CHRM1: variants seen among roughly 807,000 people sequenced by gnomAD.
CHRM1 encodes muscarinic acetylcholine receptor M1.
In CHRM1, 5 loss-of-function variants were observed where a neutral mutation model predicts 31.6. The ratio of observed to expected loss-of-function variants is 0.16; its 90% CI spans 0.08 to 0.33. The LOEUF (loss-of-function observed/expected upper bound fraction) is 0.33, where lower values mean the gene tolerates loss of function less well. Ranked by LOEUF, CHRM1 falls within the 10% of genes least tolerant of loss-of-function variation. The pLI, the probability that CHRM1 is intolerant of heterozygous loss-of-function variation, is 1.00. For missense variants in CHRM1, 338 were observed against 610.3 expected, an observed-to-expected ratio of 0.55 and a Z score of 4.70; for synonymous variants, 227 against 249.7, an observed-to-expected ratio of 0.91 and a Z score of 0.86.
At position 62,909,877 on chromosome 11, in the gene CHRM1, G is replaced by A. The variant is rs781002435; in HGVS notation, c.1224C>T (p.Tyr408=). The change falls in exon 2 of 2, where the codon TAC becomes TAT. Residue 408 remains tyrosine, a synonymous_variant. Coordinates refer to ENST00000306960, the MANE Select transcript of CHRM1 (RefSeq NM_000738.3). ...TLWELGYWLC[Y]VNSTINPMCY... ...ACATGGGGTTGATGGTGCTGTTGAC[G>A]TAGCACAGCCAGTAGCCCAGCTCCC... 42 of 1,614,112 alleles carry A rather than the reference G, an allele frequency of 2.6e-5. 1 individual carries two copies. The South Asian group carries it at 4.1e-4, about 16-fold the overall frequency.
intron 1 of CHRM1, among the ~76,000 whole-genome samples, chr11:62,914,226 G>A (rs2085888582): frequency 6.6e-6 from 1 of 152,056 alleles, no homozygotes; most frequent in Non-Finnish European, 1.5e-5. Flanking sequence ...TTACAGGCGT[G>A]AGCCACCGCG....
At position 62,911,051 on chromosome 11, in the gene CHRM1, G is replaced by A; in HGVS notation, c.50C>T (p.Ala17Val). 1.2e-6 allele frequency: 2 copies of A among 1,614,160 alleles called. No homozygotes were observed. Among genetic ancestry groups the A allele is most frequent in the Non-Finnish European group, 1.7e-6 (2 of 1,180,020 alleles). The change falls in exon 2 of 2, where the codon GCA becomes GTA. Residue 17 changes from alanine to valine, a missense_variant. Around this residue, in one of 4 missense-constraint regions of CHRM1, gnomAD observed 85 missense variants for 257.7 expected, o/e 0.33. Coordinates refer to ENST00000306960, the MANE Select transcript of CHRM1 (RefSeq NM_000738.3). Reference protein sequence around the residue: ...PAVSPNITVLAPGKGPWQVAF... With the variant: ...PAVSPNITVLVPGKGPWQVAF... ...CACTTGCCAGGGACCCTTTCCTGGT[G>A]CCAGGACGGTGATGTTGGGGCTGAC...
At chr11:62,917,444 C>A (rs1243844136) in intron 1 of CHRM1, among the ~76,000 whole-genome samples, 1 of 152,136 alleles carries the variant, frequency 6.6e-6, no homozygotes, top group Non-Finnish European at 1.5e-5. Context: ...GCAGGAAGAC[C>A]CCCCGAGGCA....
intron 1 of CHRM1, among the ~76,000 whole-genome samples, chr11:62,919,292 A>G (rs1379063605): frequency 6.6e-6 from 1 of 152,222 alleles, no homozygotes; most frequent in East Asian, 1.9e-4. Flanking sequence ...TTAAGGCTCA[A>G]CAGTTGCCAT....
intron 1 of CHRM1, among the ~76,000 whole-genome samples, chr11:62,912,970 G>A (rs928173769): frequency 7.2e-5 from 11 of 152,200 alleles, no homozygotes; most frequent in Admixed American, 1.3e-4. Flanking sequence ...ATGGTTTGCC[G>A]TGAACCCTCA....
intron 1 of CHRM1, among the ~76,000 whole-genome samples, chr11:62,914,954 C>T (rs761448101): frequency 2.6e-5 from 4 of 152,180 alleles, no homozygotes; most frequent in African/African-American, 4.8e-5. Flanking sequence ...GCAGACGGAT[C>T]ACATGAGCTC....
intron 1 of CHRM1, among the ~76,000 whole-genome samples, chr11:62,919,406 C>A (rs1301005724): frequency 6.6e-6 from 1 of 152,174 alleles, no homozygotes; most frequent in Non-Finnish European, 1.5e-5. Context: ...GAATCACTGC[C>A]AAATTTGCTC....
Position 62,910,060 on chromosome 11 carries a change from C to T in CHRM1, c.1041G>A (p.Glu347=). ...AGKGQKPRGK[E]QLAKRKTFSL... is the part of the protein sequence containing the mutation. ...AGAAGGTCTTCCGCTTGGCCAGCTG[C>T]TCCTTTCCACGGGGCTTCTGGCCCT... Residue 347 remains glutamate (E), a synonymous_variant, in exon 2 of 2, where the codon GAG becomes GAA. Transcript: ENST00000306960. This position sits in a 1 kb window ranked among gnomAD's most constrained non-coding sequence, Gnocchi z 8.7. The T allele has an allele frequency of 6.2e-7, 1 of 1,613,410 alleles. No individual in the cohort carries two copies. The highest frequency in any genetic ancestry group is 8.5e-7 in the Non-Finnish European group (1 of 1,179,918).
At chr11:62,916,587 G>A (rs1165711827) in intron 1 of CHRM1, among the ~76,000 whole-genome samples, 3 of 152,226 alleles carry the variant, frequency 2.0e-5, no homozygotes, top group African/African-American at 4.8e-5. Flanking sequence ...CATTTTAATA[G>A]TCGTATTGCT....
At chr11:62,917,370 AGGCATCCATGGG>A (rs2085906017) in intron 1 of CHRM1, among the ~76,000 whole-genome samples, 1 of 152,202 alleles carries the variant, frequency 6.6e-6, no homozygotes, top group South Asian at 2.1e-4. Flanking sequence ...CGTCCTGTGA[AGGCATCCATGGG>A]GGCTGGGGCT....
intron 1 of CHRM1, among the ~76,000 whole-genome samples, chr11:62,912,560 C>T (rs963249639): frequency 3.3e-5 from 5 of 152,114 alleles, no homozygotes; most frequent in South Asian, 2.1e-4. Context: ...TGGGAAGATC[C>T]CCCAGACTTT....
At chr11:62,918,648 T>G (rs182728246) in intron 1 of CHRM1, among the ~76,000 whole-genome samples, 162 of 152,216 alleles carry the variant, frequency 1.1e-3, no homozygotes, top group African/African-American at 3.7e-3. Context: ...GCCAAAGCAT[T>G]TGTCACTGGG....
chr11:62,912,248 G>A (rs1197534887), intron 1 of CHRM1, among the ~76,000 whole-genome samples: 2 of 151,714 alleles, frequency 1.3e-5, no homozygotes, highest in Non-Finnish European at 1.5e-5. Context: ...CGCATCTGTA[G>A]CCCCAGCTAC....
chr11:62,916,706 A>G (rs1388292791), intron 1 of CHRM1, among the ~76,000 whole-genome samples: 1 of 152,208 alleles, frequency 6.6e-6, no homozygotes, highest in Non-Finnish European at 1.5e-5. Flanking sequence ...TCTTTATATT[A>G]TAGGTAAGGG....
intron 1 of CHRM1, among the ~76,000 whole-genome samples, chr11:62,913,457 A>T (rs1199087658): frequency 1.3e-5 from 2 of 152,148 alleles, no homozygotes; most frequent in Admixed American, 1.3e-4. Flanking sequence ...GGATCACCTG[A>T]GGTCGGGAGT....
intron 1 of CHRM1, among the ~76,000 whole-genome samples, chr11:62,911,967 T>C (rs1470178195): frequency 6.6e-6 from 1 of 152,054 alleles, no homozygotes; most frequent in African/African-American, 2.4e-5. Context: ...TTTCTGCGCA[T>C]GCGGGTTTAC....
Position 62,908,899 on chromosome 11 carries a change from GGAGCA to G in CHRM1, c.*814_*818del, listed in dbSNP as rs2085851317. ...GCGGGAGGCCTGGCTAGATCTGCAT[GGAGCA>G]GATCCATCCAGGTGGTGGCTGTGAG... On this transcript the variant is annotated 3_prime_UTR_variant, in exon 2 of 2. Transcript: ENST00000306960. The G allele has an allele frequency of 6.5e-6, 1 of 152,856 alleles. No homozygotes were observed. Among genetic ancestry groups the G allele is most frequent in the Non-Finnish European group, 1.5e-5 (1 of 68,192 alleles). The allele number at this position is 152,856 out of a possible 1,614,324, so 9.5% of individuals were successfully genotyped here.
At position 62,909,748 on chromosome 11, in the gene CHRM1, G is replaced by A. The variant is rs2067480; in HGVS notation, c.1353C>T (p.Ser451=). 147,529 of 1,614,016 alleles carry A rather than the reference G, an allele frequency of 0.091. 8,408 individuals are homozygous for A. Among genetic ancestry groups the A allele is most frequent in the Admixed American group, 0.26 (15,708 of 60,018 alleles). Residue 451 remains serine (S), a synonymous_variant, in exon 2 of 2, where the codon TCC becomes TCT. Coordinates refer to ENST00000306960, the MANE Select transcript of CHRM1 (RefSeq NM_000738.3). ...ATTGGCGGGAGGGAGTGCGGTGCAC[G>A]GAGCCAGGGCGCTTGGGGATCTTGC... is the stretch of plus-strand genomic sequence containing the variant. ...RWRKIPKRPG[S]VHRTPSRQC
intron 1 of CHRM1, 77 bp from the exon 2 acceptor site, chr11:62,911,255 T>C (rs1233114654): frequency 4.2e-6 from 3 of 716,790 alleles, no homozygotes; most frequent in Non-Finnish European, 6.9e-6. Flanking sequence ...GCTAGGGATG[T>C]AATTCTTGCC....
Sources: allele counts gnomAD v4.1 joint callset (sites outside exome capture counted in the v4.1 genomes callset), GRCh38; gene constraint gnomAD v4.1.1; regional missense constraint gnomAD v4.1.1; non-coding constraint Gnocchi (gnomAD v3.1); transcripts MANE v1.5; gene names NCBI Gene and HGNC (gene_info 2026-07-23, HGNC 2026-07-21).